Variants in PRDM16 observed in about 807,000 individuals in gnomAD.
PRDM16 encodes the protein histone-lysine N-methyltransferase PRDM16.
In PRDM16, 23 loss-of-function variants were observed where a neutral mutation model predicts 110.6. The ratio of observed to expected loss-of-function variants is 0.21; its 90% CI spans 0.15 to 0.29. The LOEUF (loss-of-function observed/expected upper bound fraction) is 0.29. Ranked by LOEUF, PRDM16 falls within the 10% of genes least tolerant of loss-of-function variation. The probability of loss-of-function intolerance (pLI) is 1.00; values close to 1 mark genes in which losing one functional copy is unlikely to be tolerated. For synonymous variants in PRDM16, 799 were observed against 781.8 expected (o/e 1.02, Z -0.37); for missense variants, 1,615 against 1,794.3 (o/e 0.90, Z 1.81).
intron 1 of PRDM16, among the ~76,000 whole-genome samples, chr1:3,141,398 G>A (rs2100702151): frequency 6.6e-6 from 1 of 152,344 alleles, no homozygotes; most frequent in Admixed American, 6.5e-5. Context: ...GCCGGCTTGA[G>A]CGCTGTCTGC....
chr1:3,186,994 G>T (rs558660347), intron 2 of PRDM16, among the ~76,000 whole-genome samples: 2 of 152,360 alleles, frequency 1.3e-5, no homozygotes, highest in East Asian at 3.9e-4. Flanking sequence ...GCCCCGACCT[G>T]CCAGGGAGGG....
At chr1:3,317,865 A>G (rs1471681679) in intron 3 of PRDM16, among the ~76,000 whole-genome samples, 1 of 152,232 alleles carries the variant, frequency 6.6e-6, no homozygotes, top group Non-Finnish European at 1.5e-5. Flanking sequence ...CCAACTCCAA[A>G]AAGATACATT....
chr1:3,224,436 A>T (rs181681535), intron 2 of PRDM16, among the ~76,000 whole-genome samples: 1 of 151,356 alleles, frequency 6.6e-6, no homozygotes, highest in Non-Finnish European at 1.5e-5. Context: ...CCAGCTTCCA[A>T]TTGCCACTCT....
intron 3 of PRDM16, among the ~76,000 whole-genome samples, chr1:3,269,051 G>T (rs776136398): frequency 1.3e-5 from 2 of 152,260 alleles, no homozygotes; most frequent in African/African-American, 4.8e-5. Context: ...AGGCGTCTCG[G>T]GCTTGTTTCT....
intron 2 of PRDM16, among the ~76,000 whole-genome samples, chr1:3,237,034 CTT>C (rs1330723525): frequency 1.3e-5 from 2 of 152,164 alleles, no homozygotes; most frequent in Non-Finnish European, 2.9e-5. Context: ...GGGCCCCACA[CTT>C]GGGTCAGCAG....
At chr1:3,433,544 C>T (rs1207929313) in intron 16 of PRDM16, 133 bp from the exon 17 acceptor site, 1 of 239,706 alleles carries the variant, frequency 4.2e-6, no homozygotes, top group Non-Finnish European at 7.7e-6. Context: ...GATGGCCCGC[C>T]CTGCCCACGC....
Position 3,396,354 on chromosome 1 carries a change from C to A in PRDM16, c.574-137C>A, listed in dbSNP as rs562022191. On this transcript the variant is annotated intron_variant, in intron 4 of 16. Coordinates refer to ENST00000270722, the MANE Select transcript of PRDM16 (RefSeq NM_022114.4). Reference sequence around the variant, plus strand: ...TACTCTGCAAAAGTTCCATAGTGGACCCTCTTGGTGGCAATTAGAGGAAAA... The same window carrying A: ...TACTCTGCAAAAGTTCCATAGTGGAACCTCTTGGTGGCAATTAGAGGAAAA... 3.7e-5 allele frequency: 26 copies of A among 708,090 alleles called. No individual in the cohort carries two copies. The South Asian group carries it at 3.7e-4, about 10-fold the overall frequency. 43.9% of individuals were successfully genotyped at this position (708,090 alleles called of 1,614,324 possible). A position where few individuals can be genotyped will look rare whatever the true frequency, so the allele number is the denominator to read the frequency against.
At chr1:3,331,020 T>A (rs1018040184) in intron 3 of PRDM16, among the ~76,000 whole-genome samples, 50 of 152,358 alleles carry the variant, frequency 3.3e-4, no homozygotes, top group Non-Finnish European at 5.6e-4. Context: ...CAATTCCATC[T>A]GATAAGGCCC....
In PRDM16 at chr1:3,436,510, G is replaced by C; in HGVS notation, c.*2699G>C. 1 of 231,534 alleles carries C rather than the reference G, an allele frequency of 4.3e-6. No individual in the cohort carries two copies. Among genetic ancestry groups the C allele is most frequent in the Non-Finnish European group, 8.5e-6 (1 of 116,988 alleles). The allele number at this position is 231,534 out of a possible 1,614,324, so 14.3% of individuals were successfully genotyped here. ...TCAGACCCCCAGGCCCCAGCACTTGGCGTTTTCAGGAGGCCCTGTTCTTAG... is the reference window on the plus strand; with the variant it reads ...TCAGACCCCCAGGCCCCAGCACTTGCCGTTTTCAGGAGGCCCTGTTCTTAG... On this transcript the variant is annotated 3_prime_UTR_variant, in exon 17 of 17. Coordinates refer to ENST00000270722, the MANE Select transcript of PRDM16 (RefSeq NM_022114.4).
intron 1 of PRDM16, among the ~76,000 whole-genome samples, chr1:3,079,666 G>C (rs770889421): frequency 6.6e-6 from 1 of 152,180 alleles, no homozygotes; most frequent in African/African-American, 2.4e-5. Context: ...AAAACCAGAG[G>C]GTGTTTTCTT....
At chr1:3,114,144 T>TGCACACAC (rs1183481963) in intron 1 of PRDM16, among the ~76,000 whole-genome samples, 6 of 151,420 alleles carry the variant, frequency 4.0e-5, no homozygotes, top group South Asian at 2.1e-4. Context: ...CTCTGCACAC[T>TGCACACAC]GCACACACGC....
At chr1:3,248,932 G>A (rs1207690634) in intron 3 of PRDM16, among the ~76,000 whole-genome samples, 1 of 152,224 alleles carries the variant, frequency 6.6e-6, no homozygotes, top group Non-Finnish European at 1.5e-5. Context: ...GATGGCTGCT[G>A]AGCCCAGGAA....
chr1:3,224,253 C>G (rs1027449890), intron 2 of PRDM16, among the ~76,000 whole-genome samples: 2 of 152,138 alleles, frequency 1.3e-5, no homozygotes, highest in African/African-American at 4.8e-5. Context: ...ATATCGTGCA[C>G]AAAAAAGCAA....
At chr1:3,312,483 C>T (rs868690116) in intron 3 of PRDM16, among the ~76,000 whole-genome samples, 4 of 152,218 alleles carry the variant, frequency 2.6e-5, no homozygotes, top group African/African-American at 4.8e-5. Flanking sequence ...ACCTCACAGC[C>T]GCTCCTCCCC....
chr1:3,198,132 G>A (rs958485030), intron 2 of PRDM16, among the ~76,000 whole-genome samples: 2 of 152,188 alleles, frequency 1.3e-5, no homozygotes, highest in East Asian at 1.9e-4. Flanking sequence ...TCCTGCACGC[G>A]GGTAGAATCT....
At chr1:3,138,930 G>C (rs890214475) in intron 1 of PRDM16, among the ~76,000 whole-genome samples, 3 of 152,162 alleles carry the variant, frequency 2.0e-5, no homozygotes, top group Non-Finnish European at 4.4e-5. Context: ...GCGGGATGAG[G>C]CCGTTCCTTG....
At chr1:3,393,324 G>T (rs1643327498) in intron 4 of PRDM16, among the ~76,000 whole-genome samples, 1 of 152,242 alleles carries the variant, frequency 6.6e-6, no homozygotes, top group Non-Finnish European at 1.5e-5. Flanking sequence ...CCTCCCTGAG[G>T]CCGCTGCTGG....
intron 1 of PRDM16, among the ~76,000 whole-genome samples, chr1:3,119,389 C>T (rs1643040449): frequency 6.6e-6 from 1 of 152,260 alleles, no homozygotes; most frequent in Admixed American, 6.5e-5. Flanking sequence ...AAGTCATTTC[C>T]TTGAGAGGAT....
At chr1:3,144,122 G>T (rs967510336) in intron 1 of PRDM16, among the ~76,000 whole-genome samples, 1 of 152,122 alleles carries the variant, frequency 6.6e-6, no homozygotes, top group Non-Finnish European at 1.5e-5. Context: ...GGACCTATCT[G>T]CCACCTGGAC....
Sources: allele counts gnomAD v4.1 joint callset (sites outside exome capture counted in the v4.1 genomes callset), GRCh38; gene constraint gnomAD v4.1.1; transcripts MANE v1.5; gene names NCBI Gene and HGNC (gene_info 2026-07-23, HGNC 2026-07-21).